SYT17: variants seen among roughly 807,000 people sequenced by gnomAD.
The protein encoded by SYT17 is synaptotagmin 17.
A neutral mutation model predicts 46.7 loss-of-function variants in SYT17; 22 were observed. The ratio of observed to expected loss-of-function variants is 0.47; its 90% CI spans 0.34 to 0.67. The LOEUF is 0.67. Ranked by LOEUF, SYT17 falls within the 30% of genes least tolerant of loss-of-function variation. SYT17 has a pLI of 0.01. For synonymous variants in SYT17, 251 were observed against 248.4 expected (o/e 1.01, Z -0.10); for missense variants, 519 against 612.8 (o/e 0.85, Z 1.62).
chr16:19,171,276 G>T lies in SYT17; in HGVS notation c.16-1484G>T, dbSNP rs898646007. ...GGATTTCAATTTTTTCACAAGCCAC[G>T]TACCACCTATACTATGATGATGATG... On this transcript the variant is annotated intron_variant, in intron 1 of 7. Coordinates refer to ENST00000355377, the MANE Select transcript of SYT17 (RefSeq NM_016524.4). 28 of 149,538 alleles carry T rather than the reference G, an allele frequency of 1.9e-4. No homozygotes were observed. In the East Asian group the frequency reaches 4.1e-3, roughly 22 times the overall value. The allele number at this position is 149,538 out of a possible 1,614,324, so 9.3% of individuals were successfully genotyped here.
chr16:19,250,160 A>C, intron 7 of SYT17: 1 of 1,363,518 alleles, frequency 7.3e-7, no homozygotes. Context: ...TATTGAAAGA[A>C]TTGTCCCATG....
chr16:19,181,855 C>T (rs982998170), intron 4 of SYT17, among the ~76,000 whole-genome samples: 10 of 151,876 alleles, frequency 6.6e-5, no homozygotes, highest in Admixed American at 2.6e-4. Context: ...CAAAATTAGA[C>T]GGGCATGGTA....
chr16:19,256,437 A>ACACACACACACACAC (rs1968566447), intron 7 of SYT17, among the ~76,000 whole-genome samples: 1 of 128,978 alleles, frequency 7.8e-6, no homozygotes, highest in Non-Finnish European at 1.6e-5. Context: ...CCCCTCTTCA[A>ACACACACACACACAC]ACACACACAC....
chr16:19,243,928 A>T (rs1430423989), intron 7 of SYT17, among the ~76,000 whole-genome samples: 4 of 151,910 alleles, frequency 2.6e-5, no homozygotes, highest in Non-Finnish European at 5.9e-5. Flanking sequence ...TAAGTTCCTA[A>T]GGCACTTGAG....
At chr16:19,225,049 T>G (rs887415063) in intron 7 of SYT17, among the ~76,000 whole-genome samples, 1 of 152,210 alleles carries the variant, frequency 6.6e-6, no homozygotes, top group African/African-American at 2.4e-5. Context: ...TTGAGCCAAA[T>G]TTCCTCAGAC....
At chr16:19,262,344 C>T (rs983446038) in intron 7 of SYT17, among the ~76,000 whole-genome samples, 1 of 152,184 alleles carries the variant, frequency 6.6e-6, no homozygotes, top group Non-Finnish European at 1.5e-5. Flanking sequence ...CATGAGAAGG[C>T]ACCACCTATG....
In SYT17 at chr16:19,267,194, T is replaced by C; in HGVS notation, c.*118T>C. 6 of 884,368 alleles carry C rather than the reference T, an allele frequency of 6.8e-6. No homozygotes were observed. Among genetic ancestry groups the C allele is most frequent in the Non-Finnish European group, 1.0e-5 (6 of 602,526 alleles). The allele number at this position is 884,368 out of a possible 1,614,324, so 54.8% of individuals were successfully genotyped here. A position where few individuals can be genotyped will look rare whatever the true frequency, so the allele number is the denominator to read the frequency against. On this transcript the variant is annotated 3_prime_UTR_variant, in exon 8 of 8. Transcript: ENST00000355377. ...CACACTCGCAACATGTCTACACACG[T>C]CCACACACACAGACACACAGATACC...
At chr16:19,179,123 C>T (rs375334355) in intron 3 of SYT17, among the ~76,000 whole-genome samples, 16 of 152,090 alleles carry the variant, frequency 1.1e-4, no homozygotes, top group African/African-American at 3.4e-4. Context: ...AAGCACTGTT[C>T]TAAGCATTTT....
At chr16:19,190,989 G>A (rs547137903) in intron 5 of SYT17, among the ~76,000 whole-genome samples, 1 of 152,164 alleles carries the variant, frequency 6.6e-6, no homozygotes, top group South Asian at 2.1e-4. Context: ...CACGATGTAG[G>A]TGGTTCATTT....
At position 19,168,690 on chromosome 16, in the gene SYT17, G is replaced by T. The variant is rs1428537179; in HGVS notation, c.15+29G>T. ...GGGCTGAGGCTGGGGGCAAGGTCCG[G>T]GGTGCGGGTAGGGGGTGCCGCGCCC... On this transcript the variant is annotated intron_variant, in intron 1 of 7. Coordinates refer to ENST00000355377, the MANE Select transcript of SYT17 (RefSeq NM_016524.4). The surrounding 1 kb of genome is among the most constrained non-coding windows in gnomAD (Gnocchi z 6.9). 1 of 1,493,186 alleles carries T rather than the reference G, an allele frequency of 6.7e-7. No individual in the cohort carries two copies. The highest frequency in any genetic ancestry group is 8.9e-7 in the Non-Finnish European group (1 of 1,117,892). 92.5% of individuals were successfully genotyped at this position (1,493,186 alleles called of 1,614,324 possible). A position where few individuals can be genotyped will look rare whatever the true frequency, so the allele number is the denominator to read the frequency against.
At chr16:19,243,144 A>G (rs1567229071) in intron 7 of SYT17, among the ~76,000 whole-genome samples, 1 of 152,156 alleles carries the variant, frequency 6.6e-6, no homozygotes, top group Non-Finnish European at 1.5e-5. Flanking sequence ...ATTATTTACC[A>G]AGCAAAACAA....
chr16:19,224,502 T>A (rs902429256), intron 6 of SYT17, among the ~76,000 whole-genome samples, 181 bp from the exon 7 acceptor site: 1 of 151,942 alleles, frequency 6.6e-6, no homozygotes, highest in Non-Finnish European at 1.5e-5. Context: ...GAAAGATGGA[T>A]GGATGGATAA....
rs772773428 is a variant in SYT17, at chr16:19,173,561, T to C, written c.165T>C (p.Ala55=). The C allele has an allele frequency of 6.2e-7, 1 of 1,614,076 alleles. No individual in the cohort carries two copies. Among genetic ancestry groups the C allele is most frequent in the Non-Finnish European group, 8.5e-7 (1 of 1,180,002 alleles). ...DEVEILGPFP[A]QTPPWLMASR... ...TTGAAATTCTGGGACCTTTCCCTGC[T>C]CAGACCCCTCCCTGGCTGTAAGTAA... The change falls in exon 3 of 8, where the codon GCT becomes GCC. Residue 55 remains alanine (A), a synonymous_variant. Transcript: ENST00000355377.
At chr16:19,213,034 C>T (rs1965966206) in intron 5 of SYT17, among the ~76,000 whole-genome samples, 1 of 152,172 alleles carries the variant, frequency 6.6e-6, no homozygotes, top group African/African-American at 2.4e-5. Flanking sequence ...TCTTAAGAGA[C>T]AGGGTCTTGC....
intron 5 of SYT17, among the ~76,000 whole-genome samples, chr16:19,207,181 C>A (rs1475789484): frequency 6.6e-6 from 1 of 152,190 alleles, no homozygotes; most frequent in Non-Finnish European, 1.5e-5. Context: ...CAGCCTGAGA[C>A]CCTCACCAGA....
At chr16:19,182,897 T>C (rs1232340853) in intron 4 of SYT17, among the ~76,000 whole-genome samples, 1 of 152,234 alleles carries the variant, frequency 6.6e-6, no homozygotes, top group Non-Finnish European at 1.5e-5. Context: ...GCTCAGTGAA[T>C]CTTCACCACA....
chr16:19,250,322 C>T, intron 7 of SYT17, among the ~76,000 whole-genome samples: 1 of 150,680 alleles, frequency 6.6e-6, no homozygotes, highest in Middle Eastern at 3.2e-3. Flanking sequence ...GTGGGGCAGA[C>T]TCTCGGGGTA....
chr16:19,232,683 T>G (rs966184379), intron 7 of SYT17, among the ~76,000 whole-genome samples: 2 of 151,832 alleles, frequency 1.3e-5, no homozygotes, highest in Non-Finnish European at 2.9e-5. Context: ...TTACAAAAAT[T>G]AGCTGGTCAT....
At chr16:19,175,602 A>C (rs988996530) in intron 3 of SYT17, among the ~76,000 whole-genome samples, 1 of 150,500 alleles carries the variant, frequency 6.6e-6, no homozygotes, top group Non-Finnish European at 1.5e-5. Flanking sequence ...AGTGAGCTAT[A>C]ATCACGCCAC....
Sources: allele counts gnomAD v4.1 joint callset (sites outside exome capture counted in the v4.1 genomes callset), GRCh38; gene constraint gnomAD v4.1.1; non-coding constraint Gnocchi (gnomAD v3.1); transcripts MANE v1.5; gene names NCBI Gene and HGNC (gene_info 2026-07-23, HGNC 2026-07-21).